The following TRMU variants were observed in gnomAD, a reference collection of about 807,000 sequenced individuals.
The protein encoded by TRMU is mitochondrial tRNA-specific 2-thiouridylase 1.
TRMU carries 49 observed loss-of-function variants against 46.9 expected under a neutral mutation model. The observed-to-expected ratio is 1.05, with a 90% CI of 0.83 to 1.33. The LOEUF (loss-of-function observed/expected upper bound fraction) is 1.33. TRMU is among the 40% of genes most tolerant of loss of function. The probability of loss-of-function intolerance (pLI) is 0.00; values close to 1 mark genes in which losing one functional copy is unlikely to be tolerated. For missense variants in TRMU, 572 were observed against 532.4 expected (o/e 1.07, Z -0.73); for synonymous variants, 241 against 200.9 (o/e 1.20, Z -1.69).
In TRMU at chr22:46,355,982, C is replaced by G. The variant is rs761972583; in HGVS notation, c.1019-8C>G. The G allele has an allele frequency of 2.5e-6, 4 of 1,613,826 alleles. No individual in the cohort carries two copies. The highest frequency in any genetic ancestry group is 2.5e-6 in the Non-Finnish European group (3 of 1,179,966). On this transcript the variant is annotated splice_region_variant and splice_polypyrimidine_tract_variant and intron_variant, in intron 9 of 10. Coordinates refer to ENST00000645190, the MANE Select transcript of TRMU (RefSeq NM_018006.5). ...TGCCCCCTCCAAGGGCCCCTCTCTT[C>G]TACCCAGTGCCCTGTGTGCTGACCC...
chr22:46,345,113 C>T (rs1248830670), intron 3 of TRMU, among the ~76,000 whole-genome samples: 1 of 152,196 alleles, frequency 6.6e-6, no homozygotes, highest in African/African-American at 2.4e-5. Flanking sequence ...CTCTGTCTCC[C>T]AGGCTGGAGT....
intron 10 of TRMU, chr22:46,356,471 G>A (rs963799471): frequency 1.4e-5 from 6 of 418,050 alleles, no homozygotes; most frequent in Non-Finnish European, 2.7e-5. Flanking sequence ...CCAGGGGCAG[G>A]TGGTGGGAGG....
chr22:46,335,820 T>A lies in TRMU; in HGVS notation c.56T>A (p.Val19Glu). Residue 19 changes from valine to glutamate, a missense_variant, in exon 1 of 11, where the codon GTG (valine) becomes GAG (glutamate). Physicochemically the swap from Val to Glu is moderately radical, Grantham distance 121. Transcript: ENST00000645190. Reference protein sequence around the residue: ...CALSGGVDSAVAALLLRRRGY... With the variant: ...CALSGGVDSAEAALLLRRRGY... ...CTGTCCGGCGGCGTGGACAGCGCCG[T>A]GGCCGCGCTGCTGCTGAGGCGGAGA... The A allele has an allele frequency of 6.4e-7, 1 of 1,556,196 alleles. No individual in the cohort carries two copies. Among genetic ancestry groups the A allele is most frequent in the Non-Finnish European group, 8.6e-7 (1 of 1,156,500 alleles).
Position 46,348,481 on chromosome 22 carries a change from A to G in TRMU, c.479-1810A>G, listed in dbSNP as rs1370383194. 1.3e-5 allele frequency among the ~76,000 whole-genome samples: 2 copies of G among 152,200 alleles called. No homozygotes were observed. The highest frequency in any genetic ancestry group is 2.9e-5 in the Non-Finnish European group (2 of 68,020). ...CTCTGGGTAGAGCACCTGCAGGGGC[A>G]GTGGACGGCCTGGGCTCAGGGTCGG... On this transcript the variant is annotated intron_variant, in intron 4 of 10. Transcript: ENST00000645190. This position sits in a 1 kb window ranked among gnomAD's most constrained non-coding sequence, Gnocchi z 4.8.
At chr22:46,352,957 C>A (rs1353832172) in intron 7 of TRMU, 1 of 181,784 alleles carries the variant, frequency 5.5e-6, no homozygotes, top group African/African-American at 2.3e-5. Context: ...GGTCTTGACA[C>A]AGCACAGACC....
rs773216239 is a variant in TRMU at position 46,356,065 on chromosome 22, C to T, written c.1094C>T (p.Thr365Ile). 6.2e-7 allele frequency: 1 copy of T among 1,613,952 alleles called. No individual in the cohort carries two copies. The highest frequency in any genetic ancestry group is 1.1e-5 in the South Asian group (1 of 91,086). Residue 365 changes from threonine to isoleucine, a missense_variant, in exon 10 of 11, where the codon ACA becomes ATA. Coordinates refer to ENST00000645190, the MANE Select transcript of TRMU (RefSeq NM_018006.5). ...TAVQAVRALA[T>I]GQFAVFYKGD... ...GTGCAGGCTGTGCGTGCCCTTGCCACAGGACAGGTGCGTGGGGTGTGGGGG... is the reference window on the plus strand; with the variant it reads ...GTGCAGGCTGTGCGTGCCCTTGCCATAGGACAGGTGCGTGGGGTGTGGGGG...
rs1192574658 is a variant in TRMU, at chr22:46,357,047, C to T, written c.*41C>T. 1 of 1,611,758 alleles carries T rather than the reference C, an allele frequency of 6.2e-7. No homozygotes were observed. The highest frequency in any genetic ancestry group is 1.1e-5 in the South Asian group (1 of 90,958). On this transcript the variant is annotated 3_prime_UTR_variant, in exon 11 of 11. Transcript: ENST00000645190. ...TAGAAGGAACCTGGAGAGCAGGACC[C>T]ATGGCTGGGCGGCTGGTGAGCAGTC...
Position 46,351,339 on chromosome 22 carries a change from G to A in TRMU, c.652-782G>A, listed in dbSNP as rs1465129869. Among the ~76,000 whole-genome samples, 2 of 152,192 alleles carry A rather than the reference G, an allele frequency of 1.3e-5. No individual in the cohort carries two copies. Among genetic ancestry groups the A allele is most frequent in the Admixed American group, 1.3e-4 (2 of 15,290 alleles). On this transcript the variant is annotated intron_variant, in intron 5 of 10. Transcript: ENST00000645190. The surrounding 1 kb of genome is among the most constrained non-coding windows in gnomAD (Gnocchi z 6.4). ...ACTCGTCTCAAAAAGAGAGAACCCG[G>A]AGTGTTGGCGGAACTAGGATGAAGC...
In TRMU at chr22:46,356,898, G is replaced by A. The variant is rs79874854; in HGVS notation, c.1158G>A (p.Leu386=). Reference sequence around the variant, plus strand: ...TGGGCAGCGGGAAGATCCTGCGGCTGGGGCCGTCTGCCTACACGCTCCAGA... The same window carrying A: ...TGGGCAGCGGGAAGATCCTGCGGCTAGGGCCGTCTGCCTACACGCTCCAGA... The part of the protein sequence containing the change: ...ECLGSGKILR[L]GPSAYTLQKG... Residue 386 remains leucine (L), a synonymous_variant, in exon 11 of 11, where the codon CTG becomes CTA. Transcript: ENST00000645190. 2.2e-4 allele frequency: 361 copies of A among 1,613,322 alleles called. 4 individuals are homozygous for A. In the East Asian group the frequency reaches 7.8e-3, roughly 35 times the overall value.
Position 46,355,997 on chromosome 22 carries a change from T to TG in TRMU, c.1027dup (p.Val343GlyfsTer63). ...CCCCTCTCTTCTACCCAGTGCCCTG[T>TG]GTGCTGACCCTCAATCAAGATGGCA... On this transcript the variant is annotated frameshift_variant, in exon 10 of 11. Coordinates refer to ENST00000645190, the MANE Select transcript of TRMU (RefSeq NM_018006.5). LOFTEE classifies it high-confidence loss of function. 3 of 1,613,998 alleles carry TG rather than the reference T, an allele frequency of 1.9e-6. No homozygotes were observed. The highest frequency in any genetic ancestry group is 1.7e-6 in the Non-Finnish European group (2 of 1,179,986).
At chr22:46,355,006 T>C (rs2147110339) in intron 8 of TRMU, 1 of 234,710 alleles carries the variant, frequency 4.3e-6, no homozygotes, top group African/African-American at 2.3e-5. Context: ...TCCTCAGCCA[T>C]TTGGTGTGTG....
intron 5 of TRMU, 83 bp from the exon 6 acceptor site, chr22:46,352,038 C>T (rs1002184237): frequency 1.1e-5 from 17 of 1,519,614 alleles, no homozygotes; most frequent in Non-Finnish European, 1.5e-5. Flanking sequence ...CCGGGAGGCC[C>T]CAGGGCCCGC....
In TRMU at chr22:46,336,209, C is replaced by A; in HGVS notation, c.82+363C>A. On this transcript the variant is annotated intron_variant, in intron 1 of 10. Transcript: ENST00000645190. The surrounding 1 kb of genome is among the most constrained non-coding windows in gnomAD (Gnocchi z 4.1). Reference sequence around the variant, plus strand: ...AGACCGTGGACACTGGTGAGGGGAGCTGGGATCGCCGGGCCGGGGGCCTGA... The same window carrying A: ...AGACCGTGGACACTGGTGAGGGGAGATGGGATCGCCGGGCCGGGGGCCTGA... 1 of 1,079,816 alleles carries A rather than the reference C, an allele frequency of 9.3e-7. No individual in the cohort carries two copies. The highest frequency in any genetic ancestry group is 1.1e-6 in the Non-Finnish European group (1 of 872,880). The allele number at this position is 1,079,816 out of a possible 1,614,324, so 66.9% of individuals were successfully genotyped here. A position where few individuals can be genotyped will look rare whatever the true frequency, so the allele number is the denominator to read the frequency against.
rs1162116100 is a variant in TRMU, at chr22:46,355,594, T to A, written c.1018+6T>A. On this transcript the variant is annotated splice_donor_region_variant and intron_variant, in intron 9 of 10. Transcript: ENST00000645190. ...CCGCCACCAGATGGCACTAGGTGAC[T>A]GACGGGAGGGCTCCTGAGGACGGGC... is the stretch of plus-strand genomic sequence containing the variant. The A allele has an allele frequency of 6.2e-7, 1 of 1,613,348 alleles. No individual in the cohort carries two copies. Among genetic ancestry groups the A allele is most frequent in the Non-Finnish European group, 8.5e-7 (1 of 1,180,038 alleles).
At position 46,335,820 on chromosome 22, in the gene TRMU, T is replaced by C; in HGVS notation, c.56T>C (p.Val19Ala). ...CALSGGVDSAVAALLLRRRGY... is the reference protein window; with the variant it reads ...CALSGGVDSAAAALLLRRRGY... ...CTGTCCGGCGGCGTGGACAGCGCCG[T>C]GGCCGCGCTGCTGCTGAGGCGGAGA... Residue 19 changes from valine to alanine, a missense_variant, in exon 1 of 11, where the codon GTG (valine) becomes GCG (alanine). Coordinates refer to ENST00000645190, the MANE Select transcript of TRMU (RefSeq NM_018006.5). 1.3e-6 allele frequency: 2 copies of C among 1,556,196 alleles called. No individual in the cohort carries two copies. Among genetic ancestry groups the C allele is most frequent in the Admixed American group, 1.9e-5 (1 of 52,854 alleles).
chr22:46,350,352 T>C lies in TRMU; in HGVS notation c.540T>C (p.Val180=). 1.9e-6 allele frequency: 3 copies of C among 1,614,248 alleles called. No individual in the cohort carries two copies. The highest frequency in any genetic ancestry group is 2.5e-6 in the Non-Finnish European group (3 of 1,180,038). ...ACCAGACCTTCTTTCTCAGCCAGGTTTCCCAGGATGCCCTGAGGAGAACCA... is the reference window on the plus strand; with the variant it reads ...ACCAGACCTTCTTTCTCAGCCAGGTCTCCCAGGATGCCCTGAGGAGAACCA... ...FKDQTFFLSQ[V]SQDALRRTIF... is the part of the protein sequence containing the mutation. The change falls in exon 5 of 11, where the codon GTT becomes GTC. Residue 180 remains valine (V), a synonymous_variant. Coordinates refer to ENST00000645190, the MANE Select transcript of TRMU (RefSeq NM_018006.5). The surrounding 1 kb of genome is among the most constrained non-coding windows in gnomAD (Gnocchi z 4.6).
chr22:46,350,283 C>T lies in TRMU; in HGVS notation c.479-8C>T, dbSNP rs1266314967. The T allele has an allele frequency of 6.2e-7, 1 of 1,614,134 alleles. No homozygotes were observed. Among genetic ancestry groups the T allele is most frequent in the Non-Finnish European group, 8.5e-7 (1 of 1,179,996 alleles). On this transcript the variant is annotated splice_polypyrimidine_tract_variant and splice_region_variant and intron_variant, in intron 4 of 10. Coordinates refer to ENST00000645190, the MANE Select transcript of TRMU (RefSeq NM_018006.5). This position sits in a 1 kb window ranked among gnomAD's most constrained non-coding sequence, Gnocchi z 4.6. ...CCTGCATCGTCTTTTGTTCTTTATTCTTGGCAGCGGTAAAACTCCTCCAGG... is the reference window on the plus strand; with the variant it reads ...CCTGCATCGTCTTTTGTTCTTTATTTTTGGCAGCGGTAAAACTCCTCCAGG...
chr22:46,355,356 T>G (rs2078566237), intron 8 of TRMU, 88 bp from the exon 9 acceptor site: 6 of 1,549,584 alleles, frequency 3.9e-6, no homozygotes, highest in South Asian at 1.2e-5. Context: ...TGTGTGCTGG[T>G]AGGACAGTTG....
chr22:46,354,645 C>G (rs1210230756), intron 8 of TRMU: 2 of 152,660 alleles, frequency 1.3e-5, no homozygotes, highest in Non-Finnish European at 2.9e-5. Context: ...TCCAGGACAT[C>G]TCCTTACTAG....
Sources: allele counts gnomAD v4.1 joint callset (sites outside exome capture counted in the v4.1 genomes callset), GRCh38; gene constraint gnomAD v4.1.1; non-coding constraint Gnocchi (gnomAD v3.1); transcripts MANE v1.5; gene names NCBI Gene and HGNC (gene_info 2026-07-23, HGNC 2026-07-21).